The following HUWE1 variants were observed in gnomAD, a reference collection of about 807,000 sequenced individuals.
The protein encoded by HUWE1 is E3 ubiquitin-protein ligase HUWE1.
HUWE1 carries 18 observed loss-of-function variants against 299.4 expected under a neutral mutation model. That is an observed-to-expected ratio of 0.06 (90% CI 0.04 to 0.09). HUWE1 has a LOEUF of 0.09. Among genes scored for constraint, HUWE1 ranks in the 10% least tolerant of loss-of-function variants. The pLI is 1.00. For synonymous variants in HUWE1, 1,317 were observed against 1,286.1 expected, an observed-to-expected ratio of 1.02 and a Z score of -0.51; for missense variants, 1,832 against 3,462.3, an observed-to-expected ratio of 0.53 and a Z score of 11.82.
chrX:53,584,821 C>T (rs1237077901), intron 40 of HUWE1, among the ~76,000 whole-genome samples, 191 bp downstream of exon 40: 5 of 111,962 alleles, frequency 4.5e-5, no homozygotes, highest in Non-Finnish European at 9.4e-5. Context: ...AATCTTTTGG[C>T]TTCCCTGGAC....
At position 53,565,094 on chromosome X, in the gene HUWE1, C is replaced by A; in HGVS notation, c.6853G>T (p.Asp2285Tyr). 8.3e-7 allele frequency: 1 copy of A among 1,211,774 alleles called. No homozygotes were observed. The highest frequency in any genetic ancestry group is 1.8e-5 in the South Asian group (1 of 56,994). ...SEQDAQGASQDSSSNQQDPGE... is the reference protein window; with the variant it reads ...SEQDAQGASQYSSSNQQDPGE... ...GGGTCCTGCTGGTTGCTACTGGAATCTTGAGAGGCTCCTTGGGCATCCTGC... is the reference window on the plus strand; with the variant it reads ...GGGTCCTGCTGGTTGCTACTGGAATATTGAGAGGCTCCTTGGGCATCCTGC... The change falls in exon 50 of 84, where the codon GAT (aspartate) becomes TAT (tyrosine). Residue 2285 changes from aspartate to tyrosine, a missense_variant. Coordinates refer to ENST00000262854, the MANE Select transcript of HUWE1 (RefSeq NM_031407.7).
At chrX:53,544,411 C>T (rs1258839732) in intron 72 of HUWE1, 149 bp downstream of exon 72, 3 of 509,982 alleles carry the variant, frequency 5.9e-6, no homozygotes, top group Non-Finnish European at 6.9e-6. Context: ...ATGTAGAATG[C>T]AGCCATCAAC....
intron 61 of HUWE1, 25 bp from the exon 62 acceptor site, chrX:53,552,918 T>A: frequency 8.3e-7 from 1 of 1,210,012 alleles, no homozygotes; most frequent in South Asian, 1.8e-5. Flanking sequence ...CAGGGAGAGG[T>A]TAGGTTTCTA....
chrX:53,566,833 C>T (rs1383334670), intron 49 of HUWE1, among the ~76,000 whole-genome samples: 1 of 110,955 alleles, frequency 9.0e-6, no homozygotes, highest in Non-Finnish European at 1.9e-5. Context: ...TGACCCTAAC[C>T]ATTAAGGGAG....
intron 19 of HUWE1, among the ~76,000 whole-genome samples, chrX:53,619,592 A>AG (rs2066010930): frequency 3.6e-5 from 1 of 27,949 alleles, no homozygotes; most frequent in Non-Finnish European, 5.8e-5. Flanking sequence ...AAATAGAAGA[A>AG]AAAAAAAAAA....
rs1290999831 is a variant in HUWE1, at chrX:53,563,771, G to A, written c.7080C>T (p.Gly2360=). Residue 2360 remains glycine, a synonymous_variant, in exon 52 of 84, where the codon GGC becomes GGT. Transcript: ENST00000262854. Reference sequence around the variant, plus strand: ...CTATAATTGTACTGTTCCCAGATCCGCCATCCCTCTCAAGCAACTCATCTA... The same window carrying A: ...CTATAATTGTACTGTTCCCAGATCCACCATCCCTCTCAAGCAACTCATCTA... ...DLIDELLERD[G]GSGNSTIIVS... The A allele has an allele frequency of 2.5e-6, 3 of 1,210,953 alleles. No individual in the cohort carries two copies. Among genetic ancestry groups the A allele is most frequent in the Non-Finnish European group, 3.4e-6 (3 of 895,221 alleles).
chrX:53,652,398 G>C (rs1557040717), intron 4 of HUWE1, among the ~76,000 whole-genome samples: 2 of 111,771 alleles, frequency 1.8e-5, no homozygotes, highest in Admixed American at 1.9e-4. Flanking sequence ...TTCTAGCATG[G>C]TTTCCTAATA....
chrX:53,663,030 C>T (rs910359456), intron 3 of HUWE1, among the ~76,000 whole-genome samples: 8 of 112,065 alleles, frequency 7.1e-5, no homozygotes, highest in South Asian at 3.7e-4. Flanking sequence ...TATGCTATCA[C>T]GAGAGACGAA....
At chrX:53,683,984 A>T (rs1348042933) in intron 2 of HUWE1, 1 of 294,499 alleles carries the variant, frequency 3.4e-6, no homozygotes, top group Non-Finnish European at 5.9e-6. Flanking sequence ...CGGCTACTGC[A>T]GTCAGTAACC....
chrX:53,625,503 A>T (rs1400938359), intron 17 of HUWE1: 21 of 310,619 alleles, frequency 6.8e-5, no homozygotes, highest in Non-Finnish European at 1.1e-4. Context: ...CAAAGTAAAA[A>T]GGTTCAACTT....
In HUWE1 at chrX:53,607,376, T is replaced by C. The variant is rs188115172; in HGVS notation, c.2496+147A>G. On this transcript the variant is annotated intron_variant, in intron 25 of 83. Transcript: ENST00000262854. ...AGAAATAACATGGCACACTATATAT[T>C]AGTCACAAAATTCACTTATACAACA... is the stretch of plus-strand genomic sequence containing the variant. The C allele has an allele frequency of 1.3e-3, 624 of 497,752 alleles. 2 individuals are homozygous for C. The highest frequency in any genetic ancestry group is 7.9e-3 in the African/African-American group (329 of 41,851). 41.0% of individuals were successfully genotyped at this position (497,752 alleles called of 1,213,427 possible).
chrX:53,616,836 A>T, intron 21 of HUWE1, 134 bp downstream of exon 21: 1 of 510,278 alleles, frequency 2.0e-6, no homozygotes, highest in Non-Finnish European at 3.3e-6. Flanking sequence ...TCTGAAGTAT[A>T]ATAGAATGTA....
intron 3 of HUWE1, among the ~76,000 whole-genome samples, chrX:53,672,009 A>C (rs1047872073): frequency 9.1e-6 from 1 of 109,621 alleles, no homozygotes; most frequent in Non-Finnish European, 1.9e-5. Context: ...TTCTGCATAC[A>C]ATAGAATACA....
intron 43 of HUWE1, among the ~76,000 whole-genome samples, chrX:53,577,776 G>A (rs6638359): frequency 8.7e-6 from 1 of 114,646 alleles, no homozygotes; most frequent in African/African-American, 3.2e-5. Flanking sequence ...CGCCAGCCTC[G>A]GCCTCCCGAG....
At chrX:53,579,810 C>A (rs1284195279) in intron 43 of HUWE1, 1 of 99,910 alleles carries the variant, frequency 1.0e-5, no homozygotes, top group Non-Finnish European at 2.0e-5. Flanking sequence ...ACAAACACTG[C>A]GGAAGGCCGC....
rs140874698 is a variant in HUWE1, at chrX:53,638,470, C to T, written c.505-4172G>A. 2.8e-3 allele frequency among the ~76,000 whole-genome samples: 312 copies of T among 112,511 alleles called. 3 individuals carry two copies. Among genetic ancestry groups the T allele is most frequent in the Middle Eastern group, 9.2e-3 (2 of 217 alleles). On this transcript the variant is annotated intron_variant, in intron 7 of 83. Coordinates refer to ENST00000262854, the MANE Select transcript of HUWE1 (RefSeq NM_031407.7). Reference sequence around the variant, plus strand: ...CCATAAATAACTATATTCATTATGCCACAGAGGCATATACAACACTACCTC... The same window carrying T: ...CCATAAATAACTATATTCATTATGCTACAGAGGCATATACAACACTACCTC...
chrX:53,659,599 T>A (rs2068903286), intron 3 of HUWE1, among the ~76,000 whole-genome samples: 1 of 111,965 alleles, frequency 8.9e-6, no homozygotes, highest in Non-Finnish European at 1.9e-5. Flanking sequence ...AACTACTCTG[T>A]ATGATACTAC....
intron 43 of HUWE1, among the ~76,000 whole-genome samples, chrX:53,578,179 G>A (rs1293948380): frequency 1.0e-5 from 1 of 95,980 alleles, no homozygotes; most frequent in Non-Finnish European, 2.1e-5. Context: ...CCGCCGCCCT[G>A]TCTGGGATGT....
chrX:53,535,955 A>C lies in HUWE1; in HGVS notation c.12531+192T>G, dbSNP rs782733924. On this transcript the variant is annotated intron_variant, in intron 80 of 83. Coordinates refer to ENST00000262854, the MANE Select transcript of HUWE1 (RefSeq NM_031407.7). The stretch of plus-strand genomic sequence containing the variant: ...TTTTTTTTTTTTTTAATAAAGGTGA[A>C]ACTAGGAAATGGCCTGCAAATTCTG... 1.2e-5 allele frequency: 4 copies of C among 326,795 alleles called. No homozygotes were observed. In the Admixed American group the frequency reaches 1.6e-4, roughly 13 times the overall value. The allele number at this position is 326,795 out of a possible 1,213,427, so 26.9% of individuals were successfully genotyped here. A position where few individuals can be genotyped will look rare whatever the true frequency, so the allele number is the denominator to read the frequency against.
Sources: gnomAD v4.1 joint callset for allele counts (sites outside exome capture counted in the v4.1 genomes callset) on GRCh38, gnomAD v4.1.1 for gene constraint, MANE v1.5 for transcripts, NCBI Gene and HGNC (gene_info 2026-07-23, HGNC 2026-07-21) for gene names.